Variants in CLEC2L observed in about 807,000 individuals in gnomAD.
The protein encoded by CLEC2L is C-type lectin domain family 2 member L, also known as C-type lectin domain family 2, member L.
In CLEC2L, 14 loss-of-function variants were observed where a neutral mutation model predicts 23.6. That is an observed-to-expected ratio of 0.59 (90% CI 0.39 to 0.93). The LOEUF (loss-of-function observed/expected upper bound fraction) is 0.93, where lower values mean the gene tolerates loss of function less well. Ranked by LOEUF, CLEC2L falls within the 40% of genes least tolerant of loss-of-function variation. CLEC2L has a pLI of 0.00. For synonymous variants in CLEC2L, 114 were observed against 121.3 expected (o/e 0.94, Z 0.40); for missense variants, 264 against 282.4 (o/e 0.93, Z 0.47).
rs564260917 is a variant in CLEC2L at position 139,529,196 on chromosome 7, C to T, written c.190+5079C>T. Among the ~76,000 whole-genome samples, 9 of 152,262 alleles carry T rather than the reference C, an allele frequency of 5.9e-5. No individual in the cohort carries two copies. In the South Asian group the frequency reaches 1.2e-3, roughly 21 times the overall value. On this transcript the variant is annotated intron_variant, in intron 1 of 4. Transcript: ENST00000422142. ...ACACTGATGGCCTGCATAATCACCG[C>T]GAGTTGATTGAATAGAGTTTACCAT... is the stretch of plus-strand genomic sequence containing the variant.
chr7:139,527,505 G>C (rs1569425649), intron 1 of CLEC2L, among the ~76,000 whole-genome samples: 3 of 152,204 alleles, frequency 2.0e-5, no homozygotes, highest in Non-Finnish European at 4.4e-5. Flanking sequence ...TAAACAGGAA[G>C]CCAAACAGAA....
intron 4 of CLEC2L, among the ~76,000 whole-genome samples, chr7:139,542,531 C>T (rs1317977395): frequency 1.3e-5 from 2 of 152,216 alleles, no homozygotes; most frequent in African/African-American, 2.4e-5. Flanking sequence ...GTCACATGGC[C>T]GCACCTGGCC....
Position 139,523,962 on chromosome 7 carries a change from G to GGCC in CLEC2L, c.45_47dup (p.Pro16dup). 1.0e-6 allele frequency: 1 copy of GGCC among 969,676 alleles called. No homozygotes were observed. The highest frequency in any genetic ancestry group is 1.2e-6 in the Non-Finnish European group (1 of 818,520). 60.1% of individuals were successfully genotyped at this position (969,676 alleles called of 1,614,324 possible). On this transcript the variant is annotated inframe_insertion, in exon 1 of 5. Coordinates refer to ENST00000422142, the MANE Select transcript of CLEC2L (RefSeq NM_001080511.4). The surrounding 1 kb of genome is among the most constrained non-coding windows in gnomAD (Gnocchi z 4.1). ...GCCCGGGAGCCCCCCTCGCGGGCCC[G>GGCC]GCCGCCGCCGCCCCTCGCCGCGCGC...
In CLEC2L at chr7:139,544,450, G is replaced by A; in HGVS notation, c.*108G>A. On this transcript the variant is annotated 3_prime_UTR_variant, in exon 5 of 5. Coordinates refer to ENST00000422142, the MANE Select transcript of CLEC2L (RefSeq NM_001080511.4). ...CGCCTGCCCTCTGCAAGGCGAAGCGGTGGGTGCGTGGCCTCCGCCCCAGGC... is the reference window on the plus strand; with the variant it reads ...CGCCTGCCCTCTGCAAGGCGAAGCGATGGGTGCGTGGCCTCCGCCCCAGGC... The A allele has an allele frequency of 2.6e-6, 2 of 761,232 alleles. No homozygotes were observed. The highest frequency in any genetic ancestry group is 3.4e-5 in the South Asian group (2 of 59,530). 47.2% of individuals were successfully genotyped at this position (761,232 alleles called of 1,614,324 possible). A position where few individuals can be genotyped will look rare whatever the true frequency, so the allele number is the denominator to read the frequency against.
intron 1 of CLEC2L, chr7:139,534,484 A>G (rs903241596): frequency 2.6e-6 from 2 of 782,550 alleles, no homozygotes; most frequent in Non-Finnish European, 4.7e-6. Context: ...TACCAGCCTT[A>G]TAAAAAAAGA....
At chr7:139,526,051 C>T (rs74853768) in intron 1 of CLEC2L, among the ~76,000 whole-genome samples, 1 of 152,194 alleles carries the variant, frequency 6.6e-6, no homozygotes, top group African/African-American at 2.4e-5. Flanking sequence ...CAGGAGCAGT[C>T]CCACTCCTGA....
intron 1 of CLEC2L, among the ~76,000 whole-genome samples, chr7:139,528,734 G>T (rs1318477697): frequency 6.6e-6 from 1 of 152,178 alleles, no homozygotes; most frequent in Non-Finnish European, 1.5e-5. Flanking sequence ...TGATGATAAA[G>T]GCAGAGATTG....
Position 139,539,033 on chromosome 7 carries a change from G to T in CLEC2L, c.266-1288G>T, listed in dbSNP as rs1797699480. The stretch of plus-strand genomic sequence containing the variant: ...TCATTGAACAGATATATATGCCAGG[G>T]GGTGTCGATGAATGAATTGGTGTCT... On this transcript the variant is annotated intron_variant, in intron 2 of 4. Coordinates refer to ENST00000422142, the MANE Select transcript of CLEC2L (RefSeq NM_001080511.4). The surrounding 1 kb of genome is among the most constrained non-coding windows in gnomAD (Gnocchi z 4.1). The T allele has an allele frequency of 6.6e-6, 1 of 152,220 alleles. No homozygotes were observed. Among genetic ancestry groups the T allele is most frequent in the South Asian group, 2.1e-4 (1 of 4,826 alleles). 9.4% of individuals were successfully genotyped at this position (152,220 alleles called of 1,614,324 possible).
At chr7:139,541,967 C>A in intron 3 of CLEC2L, 54 bp from the exon 4 acceptor site, 1 of 1,203,090 alleles carries the variant, frequency 8.3e-7, no homozygotes, top group Non-Finnish European at 1.2e-6. Context: ...TGGGATGTGA[C>A]AGCAGTCAGG....
chr7:139,537,997 C>A (rs188344724), intron 2 of CLEC2L, among the ~76,000 whole-genome samples: 47 of 152,314 alleles, frequency 3.1e-4, no homozygotes, highest in African/African-American at 1.1e-3. Context: ...TTTAGTGCCT[C>A]TGTCTTTAAT....
intron 1 of CLEC2L, among the ~76,000 whole-genome samples, chr7:139,535,901 GC>G (rs1213950610): frequency 6.6e-6 from 1 of 152,244 alleles, no homozygotes; most frequent in African/African-American, 2.4e-5. Context: ...GCAGTGGGTA[GC>G]CCCCCGGCAG....
chr7:139,531,496 A>T (rs1797582239), intron 1 of CLEC2L, among the ~76,000 whole-genome samples: 1 of 152,210 alleles, frequency 6.6e-6, no homozygotes, highest in Admixed American at 6.5e-5. Flanking sequence ...AGCAAACAAG[A>T]GGGGAAAATA....
chr7:139,534,406 A>T, intron 1 of CLEC2L: 14 of 919,412 alleles, frequency 1.5e-5, no homozygotes, highest in Non-Finnish European at 3.7e-6. Context: ...GACATCAGTC[A>T]GTTGTTTGAT....
intron 1 of CLEC2L, chr7:139,534,113 G>T: frequency 1.6e-6 from 1 of 618,382 alleles, no homozygotes; most frequent in South Asian, 1.9e-5. Context: ...TGGAGAAACT[G>T]GAACCCTTGT....
intron 1 of CLEC2L, among the ~76,000 whole-genome samples, chr7:139,528,956 T>C (rs909887755): frequency 6.6e-6 from 1 of 152,228 alleles, no homozygotes; most frequent in African/African-American, 2.4e-5. Context: ...GTGTGGTCTT[T>C]CCTACAAACT....
intron 1 of CLEC2L, 44 bp downstream of exon 1, chr7:139,524,161 C>T (rs1188425060): frequency 2.5e-6 from 3 of 1,182,774 alleles, no homozygotes; most frequent in African/African-American, 3.2e-5. Flanking sequence ...GGGACCCCTG[C>T]CCAGGCCCGA....
Position 139,529,194 on chromosome 7 carries a change from C to T in CLEC2L, c.190+5077C>T, listed in dbSNP as rs552009507. 2.6e-5 allele frequency among the ~76,000 whole-genome samples: 4 copies of T among 152,280 alleles called. No homozygotes were observed. The South Asian group carries it at 6.2e-4, about 24-fold the overall frequency. On this transcript the variant is annotated intron_variant, in intron 1 of 4. Coordinates refer to ENST00000422142, the MANE Select transcript of CLEC2L (RefSeq NM_001080511.4). ...TCACACTGATGGCCTGCATAATCAC[C>T]GCGAGTTGATTGAATAGAGTTTACC...
chr7:139,525,365 C>T (rs1411822026), intron 1 of CLEC2L, among the ~76,000 whole-genome samples: 2 of 152,114 alleles, frequency 1.3e-5, no homozygotes, highest in East Asian at 1.9e-4. Flanking sequence ...CAGCCTTCTG[C>T]ACAAAGGCTA....
chr7:139,531,339 GA>G (rs1262886911), intron 1 of CLEC2L, among the ~76,000 whole-genome samples: 1 of 152,158 alleles, frequency 6.6e-6, no homozygotes, highest in Admixed American at 6.5e-5. Flanking sequence ...GATTCTTTAA[GA>G]GGGGGTATTC....
Sources: gnomAD v4.1 joint callset for allele counts (sites outside exome capture counted in the v4.1 genomes callset) on GRCh38, gnomAD v4.1.1 for gene constraint, Gnocchi (gnomAD v3.1) non-coding constraint, MANE v1.5 for transcripts, NCBI Gene and HGNC (gene_info 2026-07-23, HGNC 2026-07-21) for gene names.